The following FAM50B variants were observed in gnomAD, a reference collection of about 807,000 sequenced individuals.
FAM50B encodes family with sequence similarity 50 member B.
FAM50B carries 9 observed loss-of-function variants against 25.4 expected under a neutral mutation model. That is an observed-to-expected ratio of 0.35 (90% CI 0.21 to 0.62). FAM50B has a LOEUF of 0.62. FAM50B is among the 20% of genes least tolerant of loss of function. The pLI is 0.73. For synonymous variants in FAM50B, 212 were observed against 204.3 expected, an observed-to-expected ratio of 1.04 and a Z score of -0.32; for missense variants, 372 against 477.9, an observed-to-expected ratio of 0.78 and a Z score of 2.07.
At chr6:3,849,599 T>G in intron 1 of FAM50B, 113 bp downstream of exon 1, 19 of 824,452 alleles carry the variant, frequency 2.3e-5, no homozygotes, top group Non-Finnish European at 3.4e-5. Context: ...TTGCATTTAT[T>G]GAGGTCAAAT....
chr6:3,834,149 A>G, the FAM50B span, among the ~76,000 whole-genome samples: 1 of 152,106 alleles, frequency 6.6e-6, no homozygotes, highest in East Asian at 1.9e-4. Flanking sequence ...AACAAGAATA[A>G]CTACATATGT....
At chr6:3,847,232 C>T (rs560866324), upstream of FAM50B, among the ~76,000 whole-genome samples, 2 of 152,368 alleles carry the variant, frequency 1.3e-5, no homozygotes, top group African/African-American at 4.8e-5. Flanking sequence ...GACTTCTCCT[C>T]TCTAGATATA....
At chr6:3,843,425 G>A in the FAM50B span, among the ~76,000 whole-genome samples, 13 of 152,158 alleles carry the variant, frequency 8.5e-5, no homozygotes, top group African/African-American at 2.2e-4. Context: ...CTTTTAAACC[G>A]TTTTATCAAA....
the FAM50B span, among the ~76,000 whole-genome samples, chr6:3,836,179 A>G: frequency 1.3e-5 from 2 of 152,248 alleles, no homozygotes; most frequent in Non-Finnish European, 2.9e-5. Flanking sequence ...CATATGACCC[A>G]GCAATAGTTT....
chr6:3,844,576 T>C (rs1005831514), upstream of FAM50B, among the ~76,000 whole-genome samples: 1 of 151,778 alleles, frequency 6.6e-6, no homozygotes, highest in Non-Finnish European at 1.5e-5. Context: ...CCGGGCGTGG[T>C]GGTGGGCGCC....
chr6:3,832,199 G>C, the FAM50B span, among the ~76,000 whole-genome samples: 1 of 152,144 alleles, frequency 6.6e-6, no homozygotes, highest in Non-Finnish European at 1.5e-5. Flanking sequence ...TTTTCTTTTT[G>C]AAAGACTACT....
chr6:3,844,767 TGCAAAG>T (rs1173460074), upstream of FAM50B, among the ~76,000 whole-genome samples: 10 of 152,306 alleles, frequency 6.6e-5, no homozygotes, highest in East Asian at 1.9e-3. Context: ...TCAAATGGGA[TGCAAAG>T]TTTGATTAAA....
rs770248206 is a variant in FAM50B at position 3,850,485 on chromosome 6, T to A, written c.674T>A (p.Leu225Gln). The A allele has an allele frequency of 1.2e-6, 2 of 1,613,618 alleles. No individual in the cohort carries two copies. The highest frequency in any genetic ancestry group is 1.7e-6 in the Non-Finnish European group (2 of 1,180,020). Residue 225 changes from leucine to glutamine, a missense_variant, in exon 2 of 2, where the codon CTG (leucine) becomes CAG (glutamine). Leu to Gln is a moderately radical substitution (Grantham distance 113). This residue lies in a region of FAM50B where 224 missense variants were observed against 232.2 expected (regional missense o/e 0.96). Coordinates refer to ENST00000648326, the MANE Select transcript of FAM50B (RefSeq NM_012135.3). ...CTGCAGGGGCTGCGCAAGGACTTCC[T>A]GGAGCTGCGCTCCGCCGGCGTGGAG... is the stretch of plus-strand genomic sequence containing the variant. ...KALQGLRKDF[L>Q]ELRSAGVEQL... is the part of the protein sequence containing the mutation.
the FAM50B span, among the ~76,000 whole-genome samples, chr6:3,834,448 G>A: frequency 6.7e-6 from 1 of 149,908 alleles, no homozygotes; most frequent in Admixed American, 6.6e-5. Flanking sequence ...AATTTTTGGA[G>A]CTTATATGAA....
the FAM50B span, among the ~76,000 whole-genome samples, chr6:3,839,986 GTTGT>G: frequency 1.2e-4 from 17 of 147,606 alleles, no homozygotes; most frequent in Non-Finnish European, 2.1e-4. Context: ...TGTTGTTGTT[GTTGT>G]TTGTTTGTTT....
the FAM50B span, among the ~76,000 whole-genome samples, chr6:3,833,284 A>T: frequency 6.6e-6 from 1 of 152,146 alleles, no homozygotes; most frequent in Non-Finnish European, 1.5e-5. Flanking sequence ...GAATCATAAG[A>T]TCTAGATTTG....
the FAM50B span, among the ~76,000 whole-genome samples, chr6:3,839,572 T>A: frequency 0.33 from 50,366 of 152,100 alleles, 8,701 homozygotes; most frequent in African/African-American, 0.4. Context: ...TGGGGATCAC[T>A]TGATTTTGTG....
At chr6:3,844,944 C>CA (rs1762104756), upstream of FAM50B, among the ~76,000 whole-genome samples, 1 of 152,088 alleles carries the variant, frequency 6.6e-6, no homozygotes, top group Admixed American at 6.5e-5. Flanking sequence ...TCCTTTATGA[C>CA]AAAACCTATT....
chr6:3,844,604 G>A (rs185223111), upstream of FAM50B, among the ~76,000 whole-genome samples: 656 of 152,138 alleles, frequency 4.3e-3, 6 homozygotes, highest in African/African-American at 0.015. Context: ...CCAACTACTC[G>A]GGAGGCTGAG....
At chr6:3,833,940 A>G in the FAM50B span, 2 of 152,254 alleles carry the variant, frequency 1.3e-5, no homozygotes, top group Non-Finnish European at 2.9e-5. Context: ...CTCAACTGAT[A>G]GAATATACAA....
the FAM50B span, among the ~76,000 whole-genome samples, chr6:3,834,502 A>C: frequency 3.8e-3 from 576 of 152,102 alleles, 14 homozygotes; most frequent in East Asian, 0.037. Flanking sequence ...CTTATAAATC[A>C]ATAAGAAAAC....
chr6:3,839,227 G>T, the FAM50B span, among the ~76,000 whole-genome samples: 1 of 151,698 alleles, frequency 6.6e-6, no homozygotes, highest in Non-Finnish European at 1.5e-5. Context: ...GGTGAGGGGG[G>T]ACGCAAAAGG....
In FAM50B at chr6:3,850,066, G is replaced by A; in HGVS notation, c.255G>A (p.Glu85=). Residue 85 remains glutamate (E), a synonymous_variant, in exon 2 of 2, where the codon GAG becomes GAA. Coordinates refer to ENST00000648326, the MANE Select transcript of FAM50B (RefSeq NM_012135.3). ...ARQEALVRER[E]RQLAKRQHLE... ...AGGAGGCCCTGGTCAGGGAGCGCGAGCGGCAGCTGGCCAAGCGCCAGCACC... is the reference window on the plus strand; with the variant it reads ...AGGAGGCCCTGGTCAGGGAGCGCGAACGGCAGCTGGCCAAGCGCCAGCACC... The A allele has an allele frequency of 1.2e-6, 2 of 1,611,052 alleles. No individual in the cohort carries two copies. Among genetic ancestry groups the A allele is most frequent in the Non-Finnish European group, 8.5e-7 (1 of 1,178,990 alleles).
intron 1 of FAM50B, 129 bp from the exon 2 acceptor site, chr6:3,849,660 T>C: frequency 1.5e-6 from 2 of 1,354,552 alleles, no homozygotes; most frequent in Non-Finnish European, 1.9e-6. Flanking sequence ...GTGGTTACCC[T>C]AGCAGGTCGG....
Sources: allele counts gnomAD v4.1 joint callset (sites outside exome capture counted in the v4.1 genomes callset), GRCh38; gene constraint gnomAD v4.1.1; regional missense constraint gnomAD v4.1.1; transcripts MANE v1.5; gene names NCBI Gene and HGNC (gene_info 2026-07-23, HGNC 2026-07-21).